The following ENKD1 variants were observed in gnomAD, a reference collection of about 807,000 sequenced individuals.
The protein encoded by ENKD1 is enkurin domain-containing protein 1.
In ENKD1, 39 loss-of-function variants were observed where a neutral mutation model predicts 35.8. That is an observed-to-expected ratio of 1.09 (90% CI 0.84 to 1.42). ENKD1 has a LOEUF of 1.42. ENKD1 is among the 40% of genes most tolerant of loss of function. The pLI is 0.00. For missense variants in ENKD1, 474 were observed against 471.3 expected, an observed-to-expected ratio of 1.01 and a Z score of -0.05; for synonymous variants, 205 against 198.6, an observed-to-expected ratio of 1.03 and a Z score of -0.27.
intron 2 of ENKD1, 124 bp from the exon 3 acceptor site, chr16:67,665,292 C>G (rs1264737659): frequency 2.0e-6 from 2 of 994,766 alleles, no homozygotes; most frequent in Non-Finnish European, 2.9e-6. Flanking sequence ...CTCCAACTAC[C>G]TTAGACCCTA....
intron 6 of ENKD1, 33 bp downstream of exon 6, chr16:67,663,387 G>GC (rs750192334): frequency 1.2e-6 from 2 of 1,611,538 alleles, no homozygotes; most frequent in Admixed American, 1.7e-5. Context: ...CCCCAGTGGG[G>GC]CCCCCCTCCA....
intron 3 of ENKD1, chr16:67,664,297 T>G: frequency 1.6e-6 from 1 of 607,322 alleles, no homozygotes. Context: ...ACCACTCTCT[T>G]TCCTCCTTCC....
Position 67,664,992 on chromosome 16 carries a change from G to T in ENKD1, c.453+4C>A. On this transcript the variant is annotated splice_donor_region_variant and intron_variant, in intron 3 of 6. Coordinates refer to ENST00000243878, the MANE Select transcript of ENKD1 (RefSeq NM_032140.3). Reference sequence around the variant, plus strand: ...TAATACTTCTGGCTCCCTGAAGCAGGTACCTGGAGCTGGGCCTTGACCCGG... The same window carrying T: ...TAATACTTCTGGCTCCCTGAAGCAGTTACCTGGAGCTGGGCCTTGACCCGG... The T allele has an allele frequency of 6.3e-7, 1 of 1,595,074 alleles. No individual in the cohort carries two copies. The highest frequency in any genetic ancestry group is 8.5e-7 in the Non-Finnish European group (1 of 1,170,646).
chr16:67,666,413 C>T lies in ENKD1; in HGVS notation c.30G>A (p.Gly10=), dbSNP rs908936683. The T allele has an allele frequency of 2.6e-6, 4 of 1,552,474 alleles. No individual in the cohort carries two copies. Among genetic ancestry groups the T allele is most frequent in the East Asian group, 2.4e-5 (1 of 41,302 alleles). MCEGPSRIS[G]PIPPDPTLCP... Reference sequence around the variant, plus strand: ...AGAGCGTCGGGTCTGGGGGGATGGGCCCCGAGATGCGGGACGGGCCCTCGC... The same window carrying T: ...AGAGCGTCGGGTCTGGGGGGATGGGTCCCGAGATGCGGGACGGGCCCTCGC... The change falls in exon 1 of 7, where the codon GGG becomes GGA. Residue 10 remains glycine (G), a synonymous_variant. Transcript: ENST00000243878.
intron 3 of ENKD1, 41 bp from the exon 4 acceptor site, chr16:67,664,103 G>A: frequency 1.3e-6 from 2 of 1,532,980 alleles, no homozygotes; most frequent in Non-Finnish European, 1.8e-6. Flanking sequence ...GCAGGCTGAG[G>A]TCTGGGGCTC....
At chr16:67,664,736 G>A (rs1368911483) in intron 3 of ENKD1, among the ~76,000 whole-genome samples, 1 of 152,126 alleles carries the variant, frequency 6.6e-6, no homozygotes, top group African/African-American at 2.4e-5. Context: ...CCACTGCTGC[G>A]TGCCCTGTGG....
rs1597781586 is a variant in ENKD1, at chr16:67,663,934, C to T, written c.579+3G>A. 2 of 1,607,264 alleles carry T rather than the reference C, an allele frequency of 1.2e-6. No homozygotes were observed. The highest frequency in any genetic ancestry group is 1.3e-5 in the African/African-American group (1 of 74,820). On this transcript the variant is annotated splice_donor_region_variant and intron_variant, in intron 4 of 6. Transcript: ENST00000243878. ...ACCATCTAGCCCCCATACATCCTCT[C>T]ACCTTAGCTTCGGGACCTGGTGGGG...
rs1189756329 is a variant in ENKD1 at position 67,663,233 on chromosome 16, C to T, written c.969G>A (p.Arg323=). ...RAQSHRAELD[R]KLVQVEEAIK... ...TGGCCTCCTCTACCTGCACCAGCTT[C>T]CGGTCCAGCTCAGCACGGTGGCTCT... Residue 323 remains arginine, a synonymous_variant, in exon 7 of 7, where the codon CGG becomes CGA. Coordinates refer to ENST00000243878, the MANE Select transcript of ENKD1 (RefSeq NM_032140.3). 5 of 1,614,022 alleles carry T rather than the reference C, an allele frequency of 3.1e-6. No individual in the cohort carries two copies. Among genetic ancestry groups the T allele is most frequent in the Admixed American group, 1.7e-5 (1 of 60,038 alleles).
At position 67,663,487 on chromosome 16, in the gene ENKD1, G is replaced by A. The variant is rs776536067; in HGVS notation, c.813C>T (p.Ala271=). The change falls in exon 6 of 7, where the codon GCC becomes GCT. Residue 271 remains alanine, a synonymous_variant. Transcript: ENST00000243878. ...GCATGCGCGTGTGGCCTGGGGGCAT[G>A]GCAGGGTCCGGCTGGCTCTGCTTGC... The part of the protein sequence containing the change: ...EARKQSQPDP[A]MPPGHTRMPE... The A allele has an allele frequency of 8.7e-6, 14 of 1,612,772 alleles. No homozygotes were observed. Among genetic ancestry groups the A allele is most frequent in the African/African-American group, 2.7e-5 (2 of 74,938 alleles).
chr16:67,663,808 C>G lies in ENKD1; in HGVS notation c.592G>C (p.Gly198Arg), dbSNP rs1463174880. The G allele has an allele frequency of 1.2e-6, 2 of 1,605,654 alleles. No individual in the cohort carries two copies. Among genetic ancestry groups the G allele is most frequent in the Non-Finnish European group, 1.7e-6 (2 of 1,175,698 alleles). ...PGPEAKEPGL[G>R]VDFIRHNARA... ...GCATTGTGACGAATGAAGTCCACCC[C>G]CAGGCCTGGCTCCTGCAGGACACAG... The change falls in exon 5 of 7, where the codon GGG becomes CGG. Residue 198 changes from glycine (G) to arginine (R), a missense_variant. Physicochemically the swap from Gly to Arg is moderately radical, Grantham distance 125. Transcript: ENST00000243878.
chr16:67,666,263 G>C lies in ENKD1; in HGVS notation c.88C>G (p.Gln30Glu). ...PDNYRRPTSA[Q>E]GRLEGNALKL... ...AGCGCGTTTCCCTCGAGGCGCCCTT[G>C]AGCTGTGGGGCGGAGCCGGGCGGAG... The change falls in exon 2 of 7, where the codon CAA (glutamine) becomes GAA (glutamate). Residue 30 changes from glutamine to glutamate, a missense_variant and splice_region_variant. Transcript: ENST00000243878. The C allele has an allele frequency of 6.2e-7, 1 of 1,603,788 alleles. No homozygotes were observed. Among genetic ancestry groups the C allele is most frequent in the Non-Finnish European group, 8.5e-7 (1 of 1,175,618 alleles).
Position 67,666,626 on chromosome 16 carries a change from C to T in ENKD1, c.-184G>A. 2 of 550,600 alleles carry T rather than the reference C, an allele frequency of 3.6e-6. No homozygotes were observed. The highest frequency in any genetic ancestry group is 6.1e-6 in the Non-Finnish European group (2 of 328,396). The allele number at this position is 550,600 out of a possible 1,614,324, so 34.1% of individuals were successfully genotyped here. A position where few individuals can be genotyped will look rare whatever the true frequency, so the allele number is the denominator to read the frequency against. ...CCGGCCTCGCTCGCCACCTCCGCGA[C>T]CTCTGCTCCCAGCCCACTTCTCGGT... is the stretch of plus-strand genomic sequence containing the variant. On this transcript the variant is annotated 5_prime_UTR_variant, in exon 1 of 7. Transcript: ENST00000243878.
In ENKD1 at chr16:67,664,661, T is replaced by A. The variant is rs1180647109; in HGVS notation, c.453+335A>T. 17 of 352,506 alleles carry A rather than the reference T, an allele frequency of 4.8e-5. No homozygotes were observed. In the Admixed American group the frequency reaches 6.9e-4, roughly 14 times the overall value. 21.8% of individuals were successfully genotyped at this position (352,506 alleles called of 1,614,324 possible). On this transcript the variant is annotated intron_variant, in intron 3 of 6. Transcript: ENST00000243878. ...TGGCTTTTGTGGCCCCTGACGTGGG[T>A]CCAGCTGACTTCTTGGCCTAACTTC...
Position 67,666,344 on chromosome 16 carries a change from GC to G in ENKD1, c.85+13del, listed in dbSNP as rs1567648189. 2 of 1,582,980 alleles carry G rather than the reference GC, an allele frequency of 1.3e-6. No homozygotes were observed. Among genetic ancestry groups the G allele is most frequent in the Non-Finnish European group, 1.7e-6 (2 of 1,170,456 alleles). ...CCCCTGAGCCTCGCACCACCGCCAA[GC>G]CCCCGGACTCACCCGAGGTCGGCCG... On this transcript the variant is annotated intron_variant, in intron 1 of 6. Transcript: ENST00000243878.
At chr16:67,664,326 C>T (rs1201428624) in intron 3 of ENKD1, 8 of 549,414 alleles carry the variant, frequency 1.5e-5, no homozygotes, top group Admixed American at 2.4e-5. Flanking sequence ...CTTCCTGGCT[C>T]TAGCCCTGCA....
chr16:67,663,223 G>A lies in ENKD1; in HGVS notation c.979C>T (p.Gln327Ter). The change falls in exon 7 of 7, where the codon CAG becomes TAG. Residue 327 changes from glutamine (Q) to a stop codon, truncating the protein, a stop_gained. Coordinates refer to ENST00000243878, the MANE Select transcript of ENKD1 (RefSeq NM_032140.3). LOFTEE classifies it high-confidence loss of function. ...HRAELDRKLV[Q>*]VEEAIKIFSR... is the part of the protein sequence containing the mutation. ...AAGATCTTGATGGCCTCCTCTACCT[G>A]CACCAGCTTCCGGTCCAGCTCAGCA... 1 of 1,614,012 alleles carries A rather than the reference G, an allele frequency of 6.2e-7. No homozygotes were observed. The highest frequency in any genetic ancestry group is 8.5e-7 in the Non-Finnish European group (1 of 1,180,026).
intron 3 of ENKD1, 162 bp downstream of exon 3, chr16:67,664,834 C>T: frequency 1.2e-6 from 1 of 816,552 alleles, no homozygotes; most frequent in Non-Finnish European, 1.9e-6. Flanking sequence ...CCCACCATCA[C>T]TACTTCTGAG....
At position 67,666,199 on chromosome 16, in the gene ENKD1, G is replaced by C. The variant is rs372187727; in HGVS notation, c.152C>G (p.Thr51Ser). Residue 51 changes from threonine to serine, a missense_variant, in exon 2 of 7, where the codon ACC becomes AGC. Physicochemically the swap from Thr to Ser is moderately conservative, Grantham distance 58. Coordinates refer to ENST00000243878, the MANE Select transcript of ENKD1 (RefSeq NM_032140.3). ...GATGCAGGGGCCACGGGGAGCGGTG[G>C]TGTCCAGGGCCCGGTCGGAAGTCAG... Reference protein sequence around the residue: ...DLLTSDRALDTTAPRGPCIGP... With the variant: ...DLLTSDRALDSTAPRGPCIGP... 2.7e-4 allele frequency: 435 copies of C among 1,611,562 alleles called. 4 individuals carry two copies. Among genetic ancestry groups the C allele is most frequent in the South Asian group, 1.3e-3 (114 of 90,978 alleles).
Position 67,663,075 on chromosome 16 carries a change from G to A in ENKD1, c.*86C>T. The A allele has an allele frequency of 6.6e-7, 1 of 1,523,290 alleles. No individual in the cohort carries two copies. The highest frequency in any genetic ancestry group is 1.2e-5 in the South Asian group (1 of 80,290). 94.4% of individuals were successfully genotyped at this position (1,523,290 alleles called of 1,614,324 possible). On this transcript the variant is annotated 3_prime_UTR_variant, in exon 7 of 7. Coordinates refer to ENST00000243878, the MANE Select transcript of ENKD1 (RefSeq NM_032140.3). ...CCCCTGCTCCTGTCTTCAGACCTCT[G>A]CTCTGGGATTGGGTCCAACCCTGTC...
Sources: gnomAD v4.1 joint callset for allele counts (sites outside exome capture counted in the v4.1 genomes callset) on GRCh38, gnomAD v4.1.1 for gene constraint, MANE v1.5 for transcripts, NCBI Gene and HGNC (gene_info 2026-07-23, HGNC 2026-07-21) for gene names.